Variants in TSLP observed in about 807,000 individuals in gnomAD.
TSLP encodes thymic stromal lymphopoietin, also known as thymic stroma-derived lymphopoietin.
A neutral mutation model predicts 12.4 loss-of-function variants in TSLP; 12 were observed. The ratio of observed to expected loss-of-function variants is 0.97; its 90% CI spans 0.62 to 1.57. The LOEUF (loss-of-function observed/expected upper bound fraction) is 1.57, where lower values mean the gene tolerates loss of function less well. Ranked by LOEUF, TSLP falls within the 40% of genes most tolerant of loss-of-function variation. The pLI is 0.00. For synonymous variants in TSLP, 97 were observed against 69.5 expected, an observed-to-expected ratio of 1.40 and a Z score of -1.97; for missense variants, 222 against 189.6, an observed-to-expected ratio of 1.17 and a Z score of -1.00.
Position 111,071,867 on chromosome 5 carries a change from T to A in TSLP, c.-24T>A, listed in dbSNP as rs1561690285. On this transcript the variant is annotated 5_prime_UTR_variant, in exon 1 of 4. Coordinates refer to ENST00000344895, the MANE Select transcript of TSLP (RefSeq NM_033035.5). Reference sequence around the variant, plus strand: ...TGGTGGGAAGAGTTTAGTGTGAAACTGGGGTGGAATTGGGTGTCCACGTAT... The same window carrying A: ...TGGTGGGAAGAGTTTAGTGTGAAACAGGGGTGGAATTGGGTGTCCACGTAT... The A allele has an allele frequency of 6.2e-7, 1 of 1,608,740 alleles. No homozygotes were observed. Among genetic ancestry groups the A allele is most frequent in the Admixed American group, 1.7e-5 (1 of 59,856 alleles).
chr5:111,071,747 G>T lies in TSLP; in HGVS notation c.-144G>T. 8.1e-7 allele frequency: 1 copy of T among 1,240,050 alleles called. No individual in the cohort carries two copies. The highest frequency in any genetic ancestry group is 2.3e-5 in the Admixed American group (1 of 42,722). The allele number at this position is 1,240,050 out of a possible 1,614,324, so 76.8% of individuals were successfully genotyped here. On this transcript the variant is annotated 5_prime_UTR_variant, in exon 1 of 4. Transcript: ENST00000344895. ...ACTCCAACTTAAGGCAACAGCATGG[G>T]TGAATAAGGGCTTCCTGTGGACTGG... is the stretch of plus-strand genomic sequence containing the variant.
intron 1 of TSLP, 86 bp downstream of exon 1, chr5:111,072,147 A>G (rs1752357767): frequency 8.4e-7 from 1 of 1,186,804 alleles, no homozygotes; most frequent in East Asian, 2.4e-5. Flanking sequence ...TTTGTAGGAA[A>G]GAAAAATAAT....
chr5:111,072,363 A>C (rs1280033289), intron 1 of TSLP, among the ~76,000 whole-genome samples: 3 of 152,182 alleles, frequency 2.0e-5, no homozygotes, highest in Non-Finnish European at 4.4e-5. Flanking sequence ...AAAAAGCAGG[A>C]GGTAAGAGCT....
At chr5:111,072,754 A>C in intron 1 of TSLP, 134 bp from the exon 2 acceptor site, 2 of 868,078 alleles carry the variant, frequency 2.3e-6, no homozygotes, top group Non-Finnish European at 3.9e-6. Flanking sequence ...CTTGTCAATG[A>C]CATAGGAAAA....
chr5:111,076,204 A>T lies in TSLP; in HGVS notation c.*130A>T. 2.6e-6 allele frequency: 3 copies of T among 1,143,060 alleles called. No individual in the cohort carries two copies. The highest frequency in any genetic ancestry group is 3.8e-6 in the Non-Finnish European group (3 of 795,188). 70.8% of individuals were successfully genotyped at this position (1,143,060 alleles called of 1,614,324 possible). On this transcript the variant is annotated 3_prime_UTR_variant, in exon 4 of 4. Transcript: ENST00000344895. ...TCTTTTAATTACAGAAGAGTTTCTT[A>T]ACTTACTTTTGTAAGTTTTTATTGT...
In TSLP at chr5:111,072,052, T is replaced by C. The variant is rs748296869; in HGVS notation, c.162T>C (p.Tyr54=). The C allele has an allele frequency of 6.2e-7, 1 of 1,611,252 alleles. No individual in the cohort carries two copies. The highest frequency in any genetic ancestry group is 1.1e-5 in the South Asian group (1 of 90,838). The stretch of plus-strand genomic sequence containing the variant: ...CTATTTCTAAAGACCTGATTACATA[T>C]ATGAGTGGGGTAAGTGAAGAAGCTT... ...LSTISKDLIT[Y]MSGTKSTEFN... Residue 54 remains tyrosine (Y), a synonymous_variant, in exon 1 of 4, where the codon TAT becomes TAC. Transcript: ENST00000344895.
Position 111,077,192 on chromosome 5 carries a change from G to A in TSLP, c.*1118G>A, listed in dbSNP as rs998178196. On this transcript the variant is annotated 3_prime_UTR_variant, in exon 4 of 4. Coordinates refer to ENST00000344895, the MANE Select transcript of TSLP (RefSeq NM_033035.5). Reference sequence around the variant, plus strand: ...CAGTGGGAAGGGCAACCCACTGCACGTGGGAATGCACTGATTTTTCCTAGG... The same window carrying A: ...CAGTGGGAAGGGCAACCCACTGCACATGGGAATGCACTGATTTTTCCTAGG... 6 of 152,322 alleles carry A rather than the reference G, an allele frequency of 3.9e-5. No individual in the cohort carries two copies. In the East Asian group the frequency reaches 9.6e-4, roughly 24 times the overall value. 9.4% of individuals were successfully genotyped at this position (152,322 alleles called of 1,614,324 possible). A position where few individuals can be genotyped will look rare whatever the true frequency, so the allele number is the denominator to read the frequency against.
At position 111,076,133 on chromosome 5, in the gene TSLP, A is replaced by G. The variant is rs953638488; in HGVS notation, c.*59A>G. On this transcript the variant is annotated 3_prime_UTR_variant, in exon 4 of 4. Transcript: ENST00000344895. ...AAAATAAATCATCTTTATTAAGTAGATGAAACATTAACTCTAACTGTGACA... is the reference window on the plus strand; with the variant it reads ...AAAATAAATCATCTTTATTAAGTAGGTGAAACATTAACTCTAACTGTGACA... The G allele has an allele frequency of 5.1e-6, 8 of 1,572,348 alleles. No homozygotes were observed. In the East Asian group the frequency reaches 9.0e-5, roughly 18 times the overall value.
intron 3 of TSLP, 151 bp from the exon 4 acceptor site, chr5:111,075,795 C>T: frequency 1.3e-6 from 1 of 763,714 alleles, no homozygotes; most frequent in Non-Finnish European, 2.1e-6. Flanking sequence ...AGGCATTCCC[C>T]TGGAAAAGGC....
At position 111,072,949 on chromosome 5, in the gene TSLP, G is replaced by C. The variant is rs372459999; in HGVS notation, c.216+17G>C. On this transcript the variant is annotated intron_variant, in intron 2 of 3. Coordinates refer to ENST00000344895, the MANE Select transcript of TSLP (RefSeq NM_033035.5). ...AGCAATCGGGTGAGTAGAGAGTTCAGTGCTGCTGGCTTTCTCCAGGGAGAC... is the reference window on the plus strand; with the variant it reads ...AGCAATCGGGTGAGTAGAGAGTTCACTGCTGCTGGCTTTCTCCAGGGAGAC... 2.9e-5 allele frequency: 46 copies of C among 1,614,016 alleles called. No homozygotes were observed. The highest frequency in any genetic ancestry group is 5.3e-5 in the African/African-American group (4 of 74,946).
chr5:111,072,733 TA>T (rs1164207642), intron 1 of TSLP, among the ~76,000 whole-genome samples, 154 bp from the exon 2 acceptor site: 1 of 152,200 alleles, frequency 6.6e-6, no homozygotes. Context: ...ATCTAATGGC[TA>T]TTTCACTGCC....
Position 111,074,382 on chromosome 5 carries a change from T to C in TSLP, c.351+737T>C, listed in dbSNP as rs532920420. Among the ~76,000 whole-genome samples the C allele has an allele frequency of 1.5e-4, 23 of 152,314 alleles. 1 individual carries two copies. The highest frequency in any genetic ancestry group is 5.5e-4 in the African/African-American group (23 of 41,560). ...AGCTTCATGGGTAAAGTAAGTATCA[T>C]ATCAGTTAGTCTTATACAGGTTGTT... On this transcript the variant is annotated intron_variant, in intron 3 of 3. Coordinates refer to ENST00000344895, the MANE Select transcript of TSLP (RefSeq NM_033035.5).
upstream of TSLP, chr5:111,071,682 G>A (rs991771814): frequency 1.1e-5 from 14 of 1,283,112 alleles, no homozygotes; most frequent in Admixed American, 3.4e-4. Flanking sequence ...GCGTTTAGGT[G>A]TTATATAGTG....
chr5:111,074,065 T>C (rs1752423110), intron 3 of TSLP, among the ~76,000 whole-genome samples: 1 of 152,240 alleles, frequency 6.6e-6, no homozygotes, highest in African/African-American at 2.4e-5. Flanking sequence ...GCAACACCTC[T>C]TGTTCTTATC....
chr5:111,074,944 G>T (rs1752458326), intron 3 of TSLP, among the ~76,000 whole-genome samples: 1 of 152,132 alleles, frequency 6.6e-6, no homozygotes, highest in African/African-American at 2.4e-5. Context: ...AGAGGTTGAG[G>T]ATTGAAGCCA....
Position 111,076,155 on chromosome 5 carries a change from G to C in TSLP, c.*81G>C, listed in dbSNP as rs1752501095. ...TAGATGAAACATTAACTCTAACTGT[G>C]ACAAAGAAGACCACAAATAGTTATC... On this transcript the variant is annotated 3_prime_UTR_variant, in exon 4 of 4. Coordinates refer to ENST00000344895, the MANE Select transcript of TSLP (RefSeq NM_033035.5). 1 of 1,449,260 alleles carries C rather than the reference G, an allele frequency of 6.9e-7. No homozygotes were observed. The highest frequency in any genetic ancestry group is 9.5e-7 in the Non-Finnish European group (1 of 1,051,046). The allele number at this position is 1,449,260 out of a possible 1,614,324, so 89.8% of individuals were successfully genotyped here.
Position 111,076,908 on chromosome 5 carries a change from C to T in TSLP, c.*834C>T, listed in dbSNP as rs1752524334. 1 of 152,208 alleles carries T rather than the reference C, an allele frequency of 6.6e-6. No individual in the cohort carries two copies. The highest frequency in any genetic ancestry group is 6.5e-5 in the Admixed American group (1 of 15,282). 9.4% of individuals were successfully genotyped at this position (152,208 alleles called of 1,614,324 possible). On this transcript the variant is annotated 3_prime_UTR_variant, in exon 4 of 4. Transcript: ENST00000344895. ...ACTCATCCTTAGAGCCCACTGACTG[C>T]TCCCCTTTATACCTGTTGGCCCTGC...
chr5:111,071,986 T>G lies in TSLP; in HGVS notation c.96T>G (p.Thr32=). The part of the protein sequence containing the change: ...LVGLVLTYDF[T]NCDFEKIKAA... ...GGCTGGTGTTAACTTACGACTTCAC[T>G]AACTGTGACTTTGAGAAGATTAAAG... Residue 32 remains threonine (T), a synonymous_variant, in exon 1 of 4, where the codon ACT becomes ACG. Coordinates refer to ENST00000344895, the MANE Select transcript of TSLP (RefSeq NM_033035.5). 6.2e-7 allele frequency: 1 copy of G among 1,614,218 alleles called. No individual in the cohort carries two copies. Among genetic ancestry groups the G allele is most frequent in the Non-Finnish European group, 8.5e-7 (1 of 1,180,024 alleles).
At chr5:111,075,680 G>C (rs1235664098) in intron 3 of TSLP, among the ~76,000 whole-genome samples, 1 of 152,180 alleles carries the variant, frequency 6.6e-6, no homozygotes, top group Non-Finnish European at 1.5e-5. Flanking sequence ...ACACTCTTAA[G>C]TACTGGAAGA....
Sources: gnomAD v4.1 joint callset for allele counts (sites outside exome capture counted in the v4.1 genomes callset) on GRCh38, gnomAD v4.1.1 for gene constraint, MANE v1.5 for transcripts, NCBI Gene and HGNC (gene_info 2026-07-23, HGNC 2026-07-21) for gene names.